Variants in ROBO2 observed in about 807,000 individuals in gnomAD.
ROBO2 encodes the protein roundabout homolog 2.
In ROBO2, 53 loss-of-function variants were observed where a neutral mutation model predicts 160.8. The ratio of observed to expected loss-of-function variants is 0.33; its 90% CI spans 0.26 to 0.41. The LOEUF (loss-of-function observed/expected upper bound fraction) is 0.41, where lower values mean the gene tolerates loss of function less well. ROBO2 is among the 10% of genes least tolerant of loss of function. The pLI is 1.00. For missense variants in ROBO2, 1,577 were observed against 1,722.4 expected (o/e 0.92, Z 1.49); for synonymous variants, 664 against 611.7 (o/e 1.09, Z -1.26).
chr3:75,969,397 C>T (rs2107344803), intron 2 of ROBO2, among the ~76,000 whole-genome samples: 1 of 150,894 alleles, frequency 6.6e-6, no homozygotes, highest in Admixed American at 6.6e-5. Flanking sequence ...ATATATCTTT[C>T]ATATACTGAT....
intron 2 of ROBO2, among the ~76,000 whole-genome samples, chr3:76,520,463 T>C (rs1427650098): frequency 1.3e-5 from 2 of 152,056 alleles, no homozygotes; most frequent in African/African-American, 2.4e-5. Context: ...AAAAAATTTC[T>C]AGTACTGTGA....
intron 2 of ROBO2, among the ~76,000 whole-genome samples, chr3:76,559,204 T>C (rs536647885): frequency 5.6e-4 from 86 of 152,296 alleles, no homozygotes; most frequent in African/African-American, 1.9e-3. Flanking sequence ...AATTTTTGTA[T>C]GTCAATAAAC....
chr3:76,484,413 T>C (rs1354554119), intron 2 of ROBO2, among the ~76,000 whole-genome samples: 2 of 152,198 alleles, frequency 1.3e-5, no homozygotes, highest in Non-Finnish European at 2.9e-5. Context: ...TGTCAGCAAC[T>C]GTGCTCAGGG....
rs138348207 is a variant in ROBO2, at chr3:76,049,382, A to AGTGTGTGT, written c.109+111782_109+111783insGTGTGTGT. 2.1e-3 allele frequency among the ~76,000 whole-genome samples: 175 copies of AGTGTGTGT among 85,176 alleles called. 2 individuals are homozygous for AGTGTGTGT. Among genetic ancestry groups the AGTGTGTGT allele is most frequent in the African/African-American group, 0.012 (167 of 14,052 alleles). The allele number at this position is 85,176 out of a possible 152,430, so 55.9% of individuals were successfully genotyped here. ...CATGCCACCACCCCTGGCTAATTTTAGTATATATATATATATATATATTTT... is the reference window on the plus strand; with the variant it reads ...CATGCCACCACCCCTGGCTAATTTTAGTGTGTGTGTATATATATATATATATATATTTT... On this transcript the variant is annotated intron_variant, in intron 2 of 26. Transcript: ENST00000487694.
At chr3:76,910,862 G>T (rs1334629852) in intron 2 of ROBO2, among the ~76,000 whole-genome samples, 1 of 151,902 alleles carries the variant, frequency 6.6e-6, no homozygotes, top group Non-Finnish European at 1.5e-5. Context: ...TTGAGGAGGG[G>T]CATATATCAT....
intron 1 of ROBO2, among the ~76,000 whole-genome samples, chr3:77,067,028 TCA>T (rs144228628): frequency 0.044 from 6,070 of 136,470 alleles, 195 homozygotes; most frequent in African/African-American, 0.096. Flanking sequence ...ACACACACAC[TCA>T]CACACACACA....
At chr3:76,377,406 G>A (rs1338330760) in intron 2 of ROBO2, among the ~76,000 whole-genome samples, 2 of 152,090 alleles carry the variant, frequency 1.3e-5, no homozygotes, top group Non-Finnish European at 2.9e-5. Context: ...TTGTTTTTGA[G>A]AAGTTATTGC....
chr3:77,542,723 A>G (rs2092527120), intron 6 of ROBO2, among the ~76,000 whole-genome samples: 1 of 152,146 alleles, frequency 6.6e-6, no homozygotes, highest in Non-Finnish European at 1.5e-5. Context: ...ATGAAATGGT[A>G]TCTTTAGGTG....
intron 2 of ROBO2, among the ~76,000 whole-genome samples, chr3:76,370,108 T>A (rs1468190284): frequency 6.6e-6 from 1 of 151,962 alleles, no homozygotes; most frequent in African/African-American, 2.4e-5. Flanking sequence ...TTAGTAAAAG[T>A]CAGATATGAT....
chr3:76,013,920 A>G (rs1174681660), intron 2 of ROBO2, among the ~76,000 whole-genome samples: 1 of 152,050 alleles, frequency 6.6e-6, no homozygotes, highest in Non-Finnish European at 1.5e-5. Flanking sequence ...ATATGTATAA[A>G]GGCAGTTGGT....
At chr3:76,382,197 G>C (rs1035212434) in intron 2 of ROBO2, among the ~76,000 whole-genome samples, 4 of 152,058 alleles carry the variant, frequency 2.6e-5, no homozygotes, top group Non-Finnish European at 5.9e-5. Flanking sequence ...TGAACTCTTA[G>C]GTTTAAATGA....
chr3:76,873,556 T>C (rs1182599937), intron 2 of ROBO2, among the ~76,000 whole-genome samples: 2 of 151,910 alleles, frequency 1.3e-5, no homozygotes, highest in Non-Finnish European at 2.9e-5. Flanking sequence ...AAGTTAGTAG[T>C]TAGTAGTAGT....
intron 2 of ROBO2, among the ~76,000 whole-genome samples, chr3:77,107,791 G>C (rs1393591168): frequency 6.6e-6 from 1 of 151,928 alleles, no homozygotes; most frequent in East Asian, 1.9e-4. Context: ...CATTTTTTGT[G>C]TGTGATTATC....
At chr3:77,324,389 A>T (rs774486049) in intron 2 of ROBO2, among the ~76,000 whole-genome samples, 12 of 152,164 alleles carry the variant, frequency 7.9e-5, no homozygotes, top group Non-Finnish European at 1.3e-4. Flanking sequence ...TAGGACTGTG[A>T]CCTGCCAACA....
intron 2 of ROBO2, among the ~76,000 whole-genome samples, chr3:76,615,082 T>G (rs144127321): frequency 3.4e-4 from 52 of 152,246 alleles, no homozygotes; most frequent in African/African-American, 1.2e-3. Flanking sequence ...AAACTGAAAT[T>G]CTGACTCTAG....
At position 77,535,334 on chromosome 3, in the gene ROBO2, T is replaced by G. The variant is rs534807259; in HGVS notation, c.935-11004T>G. 1.6e-4 allele frequency among the ~76,000 whole-genome samples: 24 copies of G among 152,158 alleles called. 1 individual carries two copies. The South Asian group carries it at 4.8e-3, about 30-fold the overall frequency. On this transcript the variant is annotated intron_variant, in intron 6 of 25. Coordinates refer to ENST00000461745, the Ensembl canonical transcript of ROBO2. Reference sequence around the variant, plus strand: ...ATGACAGTTCTGGCAAGTTGACAGGTTAAGTGAGTGAAAATGGATGTCTTG... The same window carrying G: ...ATGACAGTTCTGGCAAGTTGACAGGGTAAGTGAGTGAAAATGGATGTCTTG...
At chr3:76,572,821 C>T (rs780649221) in intron 2 of ROBO2, among the ~76,000 whole-genome samples, 7 of 152,162 alleles carry the variant, frequency 4.6e-5, no homozygotes, top group African/African-American at 1.4e-4. Context: ...TCCACACTTA[C>T]CTATTTCCAT....
intron 8 of ROBO2, among the ~76,000 whole-genome samples, chr3:77,554,565 G>A (rs1031827737): frequency 2.0e-5 from 3 of 151,964 alleles, no homozygotes; most frequent in Non-Finnish European, 2.9e-5. Context: ...TGGGAGGAGG[G>A]CAAAACATCA....
intron 2 of ROBO2, among the ~76,000 whole-genome samples, chr3:76,221,143 G>C (rs1703939203): frequency 2.0e-5 from 3 of 152,222 alleles, no homozygotes; most frequent in Admixed American, 2.0e-4. Flanking sequence ...AATATTGACT[G>C]TTTCTGTGGT....
Sources: allele counts gnomAD v4.1 joint callset (sites outside exome capture counted in the v4.1 genomes callset), GRCh38; gene constraint gnomAD v4.1.1; transcripts MANE v1.5; gene names NCBI Gene and HGNC (gene_info 2026-07-23, HGNC 2026-07-21).